Variants in KCNB2 observed in about 807,000 individuals in gnomAD.
The protein encoded by KCNB2 is delayed rectifier potassium channel protein.
KCNB2 carries 15 observed loss-of-function variants against 61.5 expected under a neutral mutation model. The ratio of observed to expected loss-of-function variants is 0.24; its 90% CI spans 0.16 to 0.38. The LOEUF is 0.38. KCNB2 is among the 10% of genes least tolerant of loss of function. KCNB2 has a pLI of 1.00. For missense variants in KCNB2, 828 were observed against 1,125.2 expected (o/e 0.74, Z 3.78); for synonymous variants, 457 against 446.0 (o/e 1.02, Z -0.31).
At chr8:72,671,986 G>A (rs1563555178) in intron 2 of KCNB2, among the ~76,000 whole-genome samples, 1 of 152,124 alleles carries the variant, frequency 6.6e-6, no homozygotes, top group Non-Finnish European at 1.5e-5. Flanking sequence ...GCAGACTCAT[G>A]GGCTAAATAA....
chr8:72,576,852 T>G (rs1171643370), intron 2 of KCNB2, among the ~76,000 whole-genome samples: 1 of 152,146 alleles, frequency 6.6e-6, no homozygotes, highest in African/African-American at 2.4e-5. Context: ...ATAATGAAGC[T>G]AGAATAAAAC....
chr8:72,660,478 G>A (rs1806360736), intron 2 of KCNB2: 1 of 152,152 alleles, frequency 6.6e-6, no homozygotes, highest in Non-Finnish European at 1.5e-5. Context: ...GGATTCCCTG[G>A]TGGTTCTCAC....
intron 2 of KCNB2, among the ~76,000 whole-genome samples, chr8:72,703,387 G>A (rs912677618): frequency 9.9e-5 from 15 of 152,180 alleles, no homozygotes; most frequent in African/African-American, 3.4e-4. Flanking sequence ...AGCTGGACTG[G>A]GCAGGGGAAG....
chr8:72,931,490 G>C (rs1276353534), intron 2 of KCNB2, among the ~76,000 whole-genome samples: 4 of 152,162 alleles, frequency 2.6e-5, no homozygotes, highest in African/African-American at 9.7e-5. Context: ...GTGGTTTGTA[G>C]TTCTCCTTGA....
chr8:72,852,621 A>G (rs1258094511), intron 2 of KCNB2, among the ~76,000 whole-genome samples: 2 of 152,232 alleles, frequency 1.3e-5, no homozygotes, highest in African/African-American at 4.8e-5. Flanking sequence ...AATACGTTCA[A>G]ATGTAATCAT....
chr8:72,625,759 G>T (rs1805780235), intron 2 of KCNB2, among the ~76,000 whole-genome samples: 2 of 152,088 alleles, frequency 1.3e-5, no homozygotes, highest in African/African-American at 4.8e-5. Context: ...TGGTCCAAAG[G>T]AGGAAAAATA....
At chr8:72,655,205 A>G (rs1474692523) in intron 2 of KCNB2, among the ~76,000 whole-genome samples, 1 of 152,144 alleles carries the variant, frequency 6.6e-6, no homozygotes, top group East Asian at 1.9e-4. Flanking sequence ...ATGGAAAACC[A>G]AATACCACAT....
At chr8:72,891,829 A>C (rs1805900880) in intron 2 of KCNB2, among the ~76,000 whole-genome samples, 1 of 152,198 alleles carries the variant, frequency 6.6e-6, no homozygotes, top group South Asian at 2.1e-4. Flanking sequence ...AATTAGAAAA[A>C]TAATCCCTCA....
chr8:72,685,276 G>A (rs1316855902), intron 2 of KCNB2, among the ~76,000 whole-genome samples: 1 of 152,114 alleles, frequency 6.6e-6, no homozygotes, highest in African/African-American at 2.4e-5. Flanking sequence ...TATTCTTAGG[G>A]TGTTTTCAAC....
rs1563571961 is a variant in KCNB2 at position 72,725,565 on chromosome 8, G to GTATGTGTATA, written c.579+157255_579+157256insGTGTATATAT. 2.9e-4 allele frequency among the ~76,000 whole-genome samples: 14 copies of GTATGTGTATA among 47,968 alleles called. 1 individual carries two copies. Among genetic ancestry groups the GTATGTGTATA allele is most frequent in the African/African-American group, 9.3e-4 (14 of 15,018 alleles). The allele number at this position is 47,968 out of a possible 152,430, so 31.5% of individuals were successfully genotyped here. On this transcript the variant is annotated intron_variant, in intron 2 of 2. Transcript: ENST00000523207. ...TGTGTGTATATATATATGTATATAT[G>GTATGTGTATA]TATATATATGTATATATATATGTAT...
chr8:72,604,987 A>G (rs1259849455), intron 2 of KCNB2, among the ~76,000 whole-genome samples: 1 of 152,200 alleles, frequency 6.6e-6, no homozygotes, highest in Non-Finnish European at 1.5e-5. Flanking sequence ...TCATAACTTT[A>G]TCAGCAGTCT....
chr8:72,822,065 C>T (rs1437281711), intron 2 of KCNB2, among the ~76,000 whole-genome samples: 1 of 152,156 alleles, frequency 6.6e-6, no homozygotes, highest in Non-Finnish European at 1.5e-5. Flanking sequence ...AGTGTAGGCT[C>T]ACTCCAATCC....
chr8:72,768,186 T>G (rs1317273073), intron 2 of KCNB2, among the ~76,000 whole-genome samples: 4 of 152,196 alleles, frequency 2.6e-5, no homozygotes, highest in African/African-American at 9.7e-5. Context: ...CACCTTTGTG[T>G]GTGTGTTTGT....
chr8:72,918,377 T>C (rs748328114), intron 2 of KCNB2, among the ~76,000 whole-genome samples: 4 of 152,208 alleles, frequency 2.6e-5, no homozygotes, highest in Non-Finnish European at 4.4e-5. Flanking sequence ...TTTTTTATTA[T>C]TATTATGTTA....
intron 2 of KCNB2, among the ~76,000 whole-genome samples, chr8:72,654,709 G>C (rs758885781): frequency 2.0e-5 from 3 of 152,008 alleles, no homozygotes; most frequent in Non-Finnish European, 4.4e-5. Context: ...AGTGAACATA[G>C]GTATTTTAAA....
At chr8:72,635,478 C>G (rs1805949140) in intron 2 of KCNB2, among the ~76,000 whole-genome samples, 1 of 152,152 alleles carries the variant, frequency 6.6e-6, no homozygotes, top group South Asian at 2.1e-4. Context: ...CCCAAAGGAA[C>G]TCCATGTGAT....
At chr8:72,911,835 G>A (rs78197230) in intron 2 of KCNB2, among the ~76,000 whole-genome samples, 1,631 of 152,252 alleles carry the variant, frequency 0.011, 24 homozygotes, top group African/African-American at 0.036. Context: ...TTCCTGTTTT[G>A]TATAATGAGA....
At chr8:72,798,544 C>A (rs533046920) in intron 2 of KCNB2, among the ~76,000 whole-genome samples, 1 of 152,228 alleles carries the variant, frequency 6.6e-6, no homozygotes, top group East Asian at 1.9e-4. Flanking sequence ...ATATTAAAAC[C>A]TACCTCCCGT....
intron 2 of KCNB2, among the ~76,000 whole-genome samples, chr8:72,740,834 A>T (rs573037225): frequency 9.2e-5 from 14 of 152,298 alleles, no homozygotes; most frequent in African/African-American, 3.4e-4. Context: ...CTATTTTTTA[A>T]TATTGACAGG....
Sources: allele counts gnomAD v4.1 joint callset (sites outside exome capture counted in the v4.1 genomes callset), GRCh38; gene constraint gnomAD v4.1.1; transcripts MANE v1.5; gene names NCBI Gene and HGNC (gene_info 2026-07-23, HGNC 2026-07-21).